NBEAL2: variants seen among roughly 807,000 people sequenced by gnomAD.
NBEAL2 encodes the protein neurobeachin like 2.
In NBEAL2, 160 loss-of-function variants were observed where a neutral mutation model predicts 299.8. That is an observed-to-expected ratio of 0.53 (90% CI 0.47 to 0.61). The LOEUF (loss-of-function observed/expected upper bound fraction) is 0.61. NBEAL2 is among the 20% of genes least tolerant of loss of function. The probability of loss-of-function intolerance (pLI) is 0.00; values close to 1 mark genes in which losing one functional copy is unlikely to be tolerated. For synonymous variants in NBEAL2, 1,493 were observed against 1,542.3 expected (o/e 0.97, Z 0.75); for missense variants, 3,112 against 3,649.0 (o/e 0.85, Z 3.79).
At position 47,001,361 on chromosome 3, in the gene NBEAL2, G is replaced by C. The variant is rs772732481; in HGVS notation, c.4567G>C (p.Ala1523Pro). The change falls in exon 29 of 54, where the codon GCG becomes CCG. Residue 1523 changes from alanine (A) to proline (P), a missense_variant. Physicochemically the swap from Ala to Pro is conservative, Grantham distance 27. Coordinates refer to ENST00000450053, the MANE Select transcript of NBEAL2 (RefSeq NM_015175.3). This position sits in a 1 kb window ranked among gnomAD's most constrained non-coding sequence, Gnocchi z 6.1. ...GGTCCTGGCCAGCCTCACCCAGCAA[G>C]CGCTTTGGCTGCTGCGTCTGCTGCA... Reference protein sequence around the residue: ...VGVLASLTQQALWLLRLLQDF... With the variant: ...VGVLASLTQQPLWLLRLLQDF... 13 of 1,613,378 alleles carry C rather than the reference G, an allele frequency of 8.1e-6. No individual in the cohort carries two copies. The highest frequency in any genetic ancestry group is 1.1e-5 in the Non-Finnish European group (13 of 1,179,884).
intron 6 of NBEAL2, among the ~76,000 whole-genome samples, chr3:46,990,484 A>C (rs1323073486): frequency 6.6e-6 from 1 of 152,084 alleles, no homozygotes; most frequent in Non-Finnish European, 1.5e-5. Context: ...ACCCCACCTC[A>C]GGGTCTTAGC....
At position 46,998,794 on chromosome 3, in the gene NBEAL2, T is replaced by TCCTGGTGCG; in HGVS notation, c.3300_3308dup (p.Leu1101_Arg1103dup). 1 of 1,566,650 alleles carries TCCTGGTGCG rather than the reference T, an allele frequency of 6.4e-7. No homozygotes were observed. Among genetic ancestry groups the TCCTGGTGCG allele is most frequent in the Non-Finnish European group, 8.7e-7 (1 of 1,155,798 alleles). On this transcript the variant is annotated inframe_insertion, in exon 23 of 54. Transcript: ENST00000450053. Reference sequence around the variant, plus strand: ...TCCCTCCTGGGCCTGGCGAGGGAGTTCCTGGTGCGGAGTCTCTCAGCAGAT... The same window carrying TCCTGGTGCG: ...TCCCTCCTGGGCCTGGCGAGGGAGTTCCTGGTGCGCCTGGTGCGGAGTCTCTCAGCAGAT...
chr3:47,006,563 G>C (rs1053305503), intron 45 of NBEAL2, 114 bp downstream of exon 45: 6 of 1,048,902 alleles, frequency 5.7e-6, no homozygotes, highest in African/African-American at 3.2e-5. Flanking sequence ...TGATTTCAAG[G>C]CACCTTAGAA....
Position 46,989,160 on chromosome 3 carries a change from G to A in NBEAL2, c.345G>A (p.Val115=). 6.2e-7 allele frequency: 1 copy of A among 1,613,936 alleles called. No individual in the cohort carries two copies. The highest frequency in any genetic ancestry group is 8.5e-7 in the Non-Finnish European group (1 of 1,179,858). The change falls in exon 4 of 54, where the codon GTG becomes GTA. Residue 115 remains valine (V), a synonymous_variant. Transcript: ENST00000450053. The surrounding 1 kb of genome is among the most constrained non-coding windows in gnomAD (Gnocchi z 5.5). ...TGCTGGCACTGTTGACCAAGTTGGT[G>A]GCGGAGGTGAAGTGGCCTCTACCTT... ...PRVLALLTKL[V]AELKGCPPPQ... is the part of the protein sequence containing the mutation.
At chr3:46,998,385 G>C in intron 21 of NBEAL2, 78 bp from the exon 22 acceptor site, 1 of 1,526,736 alleles carries the variant, frequency 6.5e-7, no homozygotes, top group South Asian at 1.2e-5. Flanking sequence ...AGTCTGACAG[G>C]CACATGGCCC....
chr3:46,994,923 G>A (rs1200711745), intron 12 of NBEAL2, 109 bp from the exon 13 acceptor site: 9 of 1,417,760 alleles, frequency 6.3e-6, no homozygotes, highest in Non-Finnish European at 8.5e-6. Flanking sequence ...GCAGGATGGA[G>A]TAGATCATGT....
At chr3:46,993,033 G>A (rs2036220961) in intron 10 of NBEAL2, among the ~76,000 whole-genome samples, 1 of 152,192 alleles carries the variant, frequency 6.6e-6, no homozygotes, top group Non-Finnish European at 1.5e-5. Flanking sequence ...GGTGTCAGCT[G>A]GCAGCTTCAC....
At chr3:46,983,289 G>A (rs1263602338) in intron 1 of NBEAL2, among the ~76,000 whole-genome samples, 3 of 150,020 alleles carry the variant, frequency 2.0e-5, no homozygotes, top group Non-Finnish European at 3.0e-5. Context: ...CCACTCCCCC[G>A]GTACTTTACC....
chr3:46,996,179 T>C, intron 15 of NBEAL2, 92 bp from the exon 16 acceptor site: 2 of 1,565,124 alleles, frequency 1.3e-6, no homozygotes, highest in Non-Finnish European at 1.7e-6. Flanking sequence ...CTGGGGTCCA[T>C]GCAGCCATGG....
intron 50 of NBEAL2, 31 bp from the exon 51 acceptor site, chr3:47,008,252 C>G: frequency 6.2e-7 from 1 of 1,613,060 alleles, no homozygotes; most frequent in South Asian, 1.1e-5. Flanking sequence ...GCCCAGACTC[C>G]TGCCCAGGAC....
intron 21 of NBEAL2, 42 bp from the exon 22 acceptor site, chr3:46,998,421 G>C: frequency 6.3e-7 from 1 of 1,581,974 alleles, no homozygotes; most frequent in East Asian, 2.3e-5. Flanking sequence ...GAAGGGCCCA[G>C]CTCAGCCTAG....
chr3:46,991,170 T>C lies in NBEAL2; in HGVS notation c.557-49T>C. On this transcript the variant is annotated intron_variant, in intron 6 of 53. Coordinates refer to ENST00000450053, the MANE Select transcript of NBEAL2 (RefSeq NM_015175.3). The surrounding 1 kb of genome is among the most constrained non-coding windows in gnomAD (Gnocchi z 6.2). ...CCTCTTGTGCAGCCCCCTGGGTCCATAGCCCTGCAACCTTGGTGACATTAC... is the reference window on the plus strand; with the variant it reads ...CCTCTTGTGCAGCCCCCTGGGTCCACAGCCCTGCAACCTTGGTGACATTAC... 6.6e-7 allele frequency: 1 copy of C among 1,510,502 alleles called. No individual in the cohort carries two copies. Among genetic ancestry groups the C allele is most frequent in the Non-Finnish European group, 9.1e-7 (1 of 1,104,132 alleles). The allele number at this position is 1,510,502 out of a possible 1,614,324, so 93.6% of individuals were successfully genotyped here. A position where few individuals can be genotyped will look rare whatever the true frequency, so the allele number is the denominator to read the frequency against.
chr3:46,984,805 G>A (rs1449211409), intron 1 of NBEAL2, among the ~76,000 whole-genome samples: 3 of 152,064 alleles, frequency 2.0e-5, no homozygotes, highest in Admixed American at 6.5e-5. Flanking sequence ...GCCTCTTACT[G>A]TCACTCACAG....
chr3:47,002,922 T>C (rs1255001045), intron 33 of NBEAL2, 35 bp from the exon 34 acceptor site: 1 of 1,608,716 alleles, frequency 6.2e-7, no homozygotes, highest in African/African-American at 1.3e-5. Context: ...GTCTACAGCC[T>C]TCTACCGACC....
At chr3:46,996,908 C>T (rs778326649) in intron 17 of NBEAL2, 46 bp from the exon 18 acceptor site, 2 of 1,609,308 alleles carry the variant, frequency 1.2e-6, no homozygotes. Context: ...CCTGCCACCC[C>T]CTCCTCCCTC....
chr3:46,995,970 C>T lies in NBEAL2; in HGVS notation c.2070C>T (p.Pro690=), dbSNP rs372813649. The T allele has an allele frequency of 1.2e-6, 2 of 1,613,212 alleles. No individual in the cohort carries two copies. The highest frequency in any genetic ancestry group is 1.7e-5 in the Admixed American group (1 of 59,966). ...VAIVHVPGRR[P]FSQNLVHVYK... ...TCGTCCATGTGCCTGGGCGCCGGCC[C>T]TTCAGCCAGAACCTGGTCCATGTCT... is the stretch of plus-strand genomic sequence containing the variant. Residue 690 remains proline, a synonymous_variant, in exon 15 of 54, where the codon CCC becomes CCT. Coordinates refer to ENST00000450053, the MANE Select transcript of NBEAL2 (RefSeq NM_015175.3).
chr3:46,991,424 G>GT lies in NBEAL2; in HGVS notation c.662dup (p.Ser222LysfsTer2), dbSNP rs1559588214. The GT allele has an allele frequency of 6.2e-7, 1 of 1,607,324 alleles. No homozygotes were observed. Among genetic ancestry groups the GT allele is most frequent in the Admixed American group, 1.7e-5 (1 of 59,380 alleles). ...CCTGCAGGAGAACGGGCAGATGGCTGTAAGTGATGGCTCTGTGAAGGGCCT... is the reference window on the plus strand; with the variant it reads ...CCTGCAGGAGAACGGGCAGATGGCTGTTAAGTGATGGCTCTGTGAAGGGCCT... On this transcript the variant is annotated frameshift_variant, in exon 8 of 54. Coordinates refer to ENST00000450053, the MANE Select transcript of NBEAL2 (RefSeq NM_015175.3). LOFTEE classifies it high-confidence loss of function. The surrounding 1 kb of genome is among the most constrained non-coding windows in gnomAD (Gnocchi z 6.2).
Position 47,002,509 on chromosome 3 carries a change from C to A in NBEAL2, c.5290C>A (p.Arg1764=). 1 of 1,612,594 alleles carries A rather than the reference C, an allele frequency of 6.2e-7. No individual in the cohort carries two copies. The highest frequency in any genetic ancestry group is 1.1e-5 in the South Asian group (1 of 91,052). The change falls in exon 32 of 54, where the codon CGG becomes AGG. Residue 1764 remains arginine (R), a synonymous_variant. Transcript: ENST00000450053. The part of the protein sequence containing the change: ...RRQWERAQSR[R]AFQELVLEPA... ...CCAGTGGGAGCGCGCCCAGAGTCGT[C>A]GGGCCTTCCAGGTGTGCCACCCGGG... is the stretch of plus-strand genomic sequence containing the variant.
chr3:46,998,446 T>C lies in NBEAL2; in HGVS notation c.3119-17T>C, dbSNP rs2036675989. On this transcript the variant is annotated splice_polypyrimidine_tract_variant and intron_variant, in intron 21 of 53. Coordinates refer to ENST00000450053, the MANE Select transcript of NBEAL2 (RefSeq NM_015175.3). ...GCTCAGCCTAGTGGCCTGAGCCCTC[T>C]GCTCATTCCCGCTCAGGTCACATCC... The C allele has an allele frequency of 6.2e-7, 1 of 1,605,574 alleles. No homozygotes were observed. The highest frequency in any genetic ancestry group is 8.5e-7 in the Non-Finnish European group (1 of 1,175,778).
Sources: allele counts gnomAD v4.1 joint callset (sites outside exome capture counted in the v4.1 genomes callset), GRCh38; gene constraint gnomAD v4.1.1; non-coding constraint Gnocchi (gnomAD v3.1); transcripts MANE v1.5; gene names NCBI Gene and HGNC (gene_info 2026-07-23, HGNC 2026-07-21).